WDFY4: variants seen among roughly 807,000 people sequenced by gnomAD.
The protein encoded by WDFY4 is WD repeat- and FYVE domain-containing protein 4.
WDFY4 carries 169 observed loss-of-function variants against 351.9 expected under a neutral mutation model. The ratio of observed to expected loss-of-function variants is 0.48; its 90% CI spans 0.42 to 0.55. The LOEUF is 0.55. WDFY4 is among the 20% of genes least tolerant of loss of function. WDFY4 has a pLI of 0.00. For synonymous variants in WDFY4, 1,622 were observed against 1,574.6 expected, an observed-to-expected ratio of 1.03 and a Z score of -0.71; for missense variants, 3,803 against 3,935.6, an observed-to-expected ratio of 0.97 and a Z score of 0.90.
At chr10:48,962,664 C>A (rs991555291) in intron 53 of WDFY4, among the ~76,000 whole-genome samples, 4 of 152,196 alleles carry the variant, frequency 2.6e-5, no homozygotes, top group South Asian at 2.1e-4. Flanking sequence ...CTTTGGATGA[C>A]ACCTTTTATG....
At chr10:48,894,715 C>T (rs965609339) in intron 44 of WDFY4, among the ~76,000 whole-genome samples, 1 of 152,180 alleles carries the variant, frequency 6.6e-6, no homozygotes, top group African/African-American at 2.4e-5. Flanking sequence ...GCCAGACCTG[C>T]AGCTAAGGTA....
chr10:48,803,803 C>T (rs890067005), intron 25 of WDFY4, among the ~76,000 whole-genome samples: 2 of 152,192 alleles, frequency 1.3e-5, no homozygotes, highest in Admixed American at 6.5e-5. Flanking sequence ...AGAGGGACTT[C>T]GTTGGCTCTT....
chr10:48,862,690 T>G (rs2069385956), intron 39 of WDFY4, among the ~76,000 whole-genome samples: 1 of 152,190 alleles, frequency 6.6e-6, no homozygotes, highest in South Asian at 2.1e-4. Flanking sequence ...ACCATCTTCC[T>G]CCAACCCCTC....
rs142396583 is a variant in WDFY4, at chr10:48,841,128, G to A, written c.6663+8419G>A. On this transcript the variant is annotated intron_variant, in intron 39 of 61. Transcript: ENST00000325239. Reference sequence around the variant, plus strand: ...CAGATATTCATTTCAAAATTGCTTAGAGCAACACAGTTTTTGTTTGTTTCT... The same window carrying A: ...CAGATATTCATTTCAAAATTGCTTAAAGCAACACAGTTTTTGTTTGTTTCT... Among the ~76,000 whole-genome samples, 33 of 152,290 alleles carry A rather than the reference G, an allele frequency of 2.2e-4. No individual in the cohort carries two copies. The East Asian group carries it at 6.2e-3, about 28-fold the overall frequency.
At chr10:48,932,973 C>T (rs959721077) in intron 47 of WDFY4, among the ~76,000 whole-genome samples, 3 of 152,064 alleles carry the variant, frequency 2.0e-5, no homozygotes, top group Non-Finnish European at 2.9e-5. Flanking sequence ...GCCATGTGCT[C>T]ATGGGTAGGG....
intron 29 of WDFY4, 30 bp downstream of exon 29, chr10:48,810,765 G>A (rs1219063298): frequency 6.7e-7 from 1 of 1,489,038 alleles, no homozygotes; most frequent in Non-Finnish European, 9.0e-7. Context: ...CAGGGAGTGG[G>A]GCACCACCTA....
At chr10:48,820,514 C>T in intron 33 of WDFY4, 77 bp downstream of exon 33, 1 of 1,462,382 alleles carries the variant, frequency 6.8e-7, no homozygotes. Context: ...GCAGGATGCA[C>T]CCAGGGAGAC....
intron 15 of WDFY4, 63 bp from the exon 16 acceptor site, chr10:48,776,687 G>GC (rs200226823): frequency 0.044 from 61,601 of 1,405,044 alleles, 1,623 homozygotes; most frequent in Middle Eastern, 0.055. Context: ...TGGGGTTATT[G>GC]TCAGAAGCGA....
chr10:48,897,655 A>T, intron 45 of WDFY4, 81 bp downstream of exon 45: 1 of 1,501,368 alleles, frequency 6.7e-7, no homozygotes, highest in East Asian at 2.5e-5. Context: ...CCATCCAGAG[A>T]CACACCTCTG....
intron 13 of WDFY4, among the ~76,000 whole-genome samples, chr10:48,768,877 C>G (rs576306994): frequency 6.6e-6 from 1 of 152,194 alleles, no homozygotes; most frequent in South Asian, 2.1e-4. Flanking sequence ...AGCAGGAGCT[C>G]AGCAAAGGGA....
In WDFY4 at chr10:48,735,359, A is replaced by T. The variant is rs555543850; in HGVS notation, c.1688-521A>T. Among the ~76,000 whole-genome samples, 5 of 152,346 alleles carry T rather than the reference A, an allele frequency of 3.3e-5. No individual in the cohort carries two copies. The South Asian group carries it at 1.0e-3, about 32-fold the overall frequency. The stretch of plus-strand genomic sequence containing the variant: ...TAGAAATTAAATATATTCTTAGCTT[A>T]AATTGTGGTTTGCTTTCTATATGAA... On this transcript the variant is annotated intron_variant, in intron 10 of 61. Coordinates refer to ENST00000325239, the MANE Select transcript of WDFY4 (RefSeq NM_001394531.1).
chr10:48,774,794 G>T, intron 14 of WDFY4, 122 bp downstream of exon 14: 1 of 1,264,526 alleles, frequency 7.9e-7, no homozygotes, highest in Non-Finnish European at 1.1e-6. Flanking sequence ...CTCTGTCCTG[G>T]CATTCAAGGC....
rs1263042658 is a variant in WDFY4, at chr10:48,982,823, T to G, written c.*248T>G. Reference sequence around the variant, plus strand: ...CACGCTGGAAACTGTGACTTGGTGATGCCCAGCTGCACACGAAATTACACA... The same window carrying G: ...CACGCTGGAAACTGTGACTTGGTGAGGCCCAGCTGCACACGAAATTACACA... On this transcript the variant is annotated 3_prime_UTR_variant, in exon 62 of 62. Transcript: ENST00000325239. 1.8e-6 allele frequency: 1 copy of G among 561,886 alleles called. No individual in the cohort carries two copies. The highest frequency in any genetic ancestry group is 4.2e-5 in the East Asian group (1 of 23,862). The allele number at this position is 561,886 out of a possible 1,614,324, so 34.8% of individuals were successfully genotyped here.
chr10:48,826,068 C>T lies in WDFY4; in HGVS notation c.5983-603C>T, dbSNP rs77806636. ...TGAATGGTATTGCCTAGATTTTCTT[C>T]GAGAGGTTTTATAGTTTTGGGTTTT... is the stretch of plus-strand genomic sequence containing the variant. On this transcript the variant is annotated intron_variant, in intron 35 of 61. Coordinates refer to ENST00000325239, the MANE Select transcript of WDFY4 (RefSeq NM_001394531.1). Among the ~76,000 whole-genome samples the T allele has an allele frequency of 6.6e-5, 10 of 152,234 alleles. No individual in the cohort carries two copies. The East Asian group carries it at 9.6e-4, about 15-fold the overall frequency.
intron 51 of WDFY4, among the ~76,000 whole-genome samples, chr10:48,952,437 C>T (rs1208569071): frequency 1.3e-5 from 2 of 152,184 alleles, no homozygotes; most frequent in Non-Finnish European, 1.5e-5. Flanking sequence ...TCTCCAACAC[C>T]GTCTGGTTTT....
intron 1 of WDFY4, among the ~76,000 whole-genome samples, chr10:48,698,990 A>G (rs2063405699): frequency 6.6e-6 from 1 of 152,216 alleles, no homozygotes. Context: ...GAGGTCTCTC[A>G]TGAAATGCAC....
chr10:48,689,967 T>C (rs903669784), intron 1 of WDFY4, among the ~76,000 whole-genome samples: 1 of 152,246 alleles, frequency 6.6e-6, no homozygotes, highest in Non-Finnish European at 1.5e-5. Context: ...TTGATCCTAG[T>C]TCCACCTGAT....
chr10:48,727,516 G>T lies in WDFY4; in HGVS notation c.828G>T (p.Thr276=), dbSNP rs1194858447. The T allele has an allele frequency of 1.3e-6, 2 of 1,551,740 alleles. No individual in the cohort carries two copies. Among genetic ancestry groups the T allele is most frequent in the Admixed American group, 2.0e-5 (1 of 51,000 alleles). ...RLSLQNLSRL[T]DTLPAPEVSE... ...CCCTCCAGAACCTCTCCAGGCTCAC[G>T]GACACTCTCCCTGCCCCTGAAGTGA... is the stretch of plus-strand genomic sequence containing the variant. Residue 276 remains threonine, a synonymous_variant, in exon 7 of 62, where the codon ACG becomes ACT. Coordinates refer to ENST00000325239, the MANE Select transcript of WDFY4 (RefSeq NM_001394531.1).
At chr10:48,790,598 G>T in intron 22 of WDFY4, 129 bp from the exon 23 acceptor site, 1 of 1,046,230 alleles carries the variant, frequency 9.6e-7, no homozygotes, top group East Asian at 2.6e-5. Flanking sequence ...TGTCCCAGGT[G>T]CACAGGTCCC....
Sources: allele counts gnomAD v4.1 joint callset (sites outside exome capture counted in the v4.1 genomes callset), GRCh38; gene constraint gnomAD v4.1.1; transcripts MANE v1.5; gene names NCBI Gene and HGNC (gene_info 2026-07-23, HGNC 2026-07-21).